Variants in GRID2 observed in about 807,000 individuals in gnomAD.
GRID2 encodes the protein glutamate receptor ionotropic, delta-2.
In GRID2, 33 loss-of-function variants were observed where a neutral mutation model predicts 114.8. The observed-to-expected ratio is 0.29, with a 90% CI of 0.22 to 0.38. The LOEUF (loss-of-function observed/expected upper bound fraction) is 0.38, where lower values mean the gene tolerates loss of function less well. GRID2 is among the 10% of genes least tolerant of loss of function. The probability of loss-of-function intolerance (pLI) is 1.00; values close to 1 mark genes in which losing one functional copy is unlikely to be tolerated. For missense variants in GRID2, 1,184 were observed against 1,257.7 expected, an observed-to-expected ratio of 0.94 and a Z score of 0.89; for synonymous variants, 505 against 449.9, an observed-to-expected ratio of 1.12 and a Z score of -1.55.
chr4:92,697,323 A>G (rs1433249390), intron 2 of GRID2, among the ~76,000 whole-genome samples: 2 of 152,160 alleles, frequency 1.3e-5, no homozygotes. Context: ...ATACCTTCAT[A>G]CAAGCAAAAG....
intron 1 of GRID2, among the ~76,000 whole-genome samples, chr4:92,543,433 C>A (rs13145212): frequency 0.22 from 33,262 of 152,098 alleles, 3,936 homozygotes; most frequent in South Asian, 0.3. Flanking sequence ...AATTCATATA[C>A]TTTAAGAATT....
chr4:93,685,652 A>C (rs1457367960), intron 14 of GRID2, among the ~76,000 whole-genome samples: 1 of 151,996 alleles, frequency 6.6e-6, no homozygotes, highest in Non-Finnish European at 1.5e-5. Context: ...GGATAATCTC[A>C]TCTCCCTTCA....
intron 13 of GRID2, among the ~76,000 whole-genome samples, chr4:93,516,743 A>G (rs958810636): frequency 3.3e-5 from 5 of 152,048 alleles, no homozygotes; most frequent in African/African-American, 1.2e-4. Context: ...CTTACTGGGT[A>G]CTCATAGCAT....
chr4:92,914,489 G>T (rs1233836987), intron 2 of GRID2, among the ~76,000 whole-genome samples: 2 of 152,060 alleles, frequency 1.3e-5, no homozygotes, highest in Non-Finnish European at 2.9e-5. Context: ...TGTCATGGGG[G>T]ACTGTTGTAC....
chr4:92,793,931 G>A (rs1309290459), intron 2 of GRID2, among the ~76,000 whole-genome samples: 1 of 151,798 alleles, frequency 6.6e-6, no homozygotes, highest in Non-Finnish European at 1.5e-5. Context: ...GAATGGAGCA[G>A]GTACATTGAC....
chr4:93,135,278 C>G lies in GRID2; in HGVS notation c.735+24325C>G, dbSNP rs114714697. On this transcript the variant is annotated intron_variant, in intron 4 of 15. Coordinates refer to ENST00000282020, the MANE Select transcript of GRID2 (RefSeq NM_001510.4). ...GAGGTGTGTGGTGCTTGTTTGCAAT[C>G]AGCTCTGACATTTTCAGAGTCTTCT... is the stretch of plus-strand genomic sequence containing the variant. Among the ~76,000 whole-genome samples the G allele has an allele frequency of 4.8e-3, 723 of 152,208 alleles. 10 individuals carry two copies. The highest frequency in any genetic ancestry group is 0.017 in the African/African-American group (689 of 41,538).
At chr4:93,735,682 G>A (rs548043830) in intron 14 of GRID2, among the ~76,000 whole-genome samples, 73 of 152,120 alleles carry the variant, frequency 4.8e-4, no homozygotes, top group South Asian at 3.9e-3. Context: ...TTAGGGCAAT[G>A]TTGACATTGG....
chr4:92,772,418 G>A (rs1432321372), intron 2 of GRID2, among the ~76,000 whole-genome samples: 2 of 151,818 alleles, frequency 1.3e-5, no homozygotes, highest in African/African-American at 4.8e-5. Flanking sequence ...GCAGTTTATG[G>A]CGTTTGAGTC....
At chr4:93,710,328 T>A (rs1262623400) in intron 14 of GRID2, among the ~76,000 whole-genome samples, 1 of 152,236 alleles carries the variant, frequency 6.6e-6, no homozygotes, top group East Asian at 1.9e-4. Flanking sequence ...CCTTGCAGCC[T>A]GTTAGAGGTA....
intron 14 of GRID2, among the ~76,000 whole-genome samples, chr4:93,661,554 A>G (rs1394366145): frequency 6.6e-6 from 1 of 152,196 alleles, no homozygotes; most frequent in Non-Finnish European, 1.5e-5. Context: ...ATGTTTGTGC[A>G]TCCACAATAT....
chr4:92,945,577 C>G (rs1263277833), intron 2 of GRID2, among the ~76,000 whole-genome samples: 1 of 152,152 alleles, frequency 6.6e-6, no homozygotes, highest in Non-Finnish European at 1.5e-5. Context: ...CCTTCGTTTT[C>G]TCTATTCCAG....
At chr4:93,257,991 TATATATATACACAC>T (rs759908361) in intron 8 of GRID2, among the ~76,000 whole-genome samples, 186 of 22,228 alleles carry the variant, frequency 8.4e-3, no homozygotes, top group African/African-American at 0.026. Context: ...TATATATATA[TATATATATACACAC>T]ACACACACAC....
Position 92,706,900 on chromosome 4 carries a change from A to G in GRID2, c.244+116614A>G, listed in dbSNP as rs1159552806. ...CCAACAGTGTTGTACCATTTTAAAGAACTATATTACTAATTCCAGTCATCA... is the reference window on the plus strand; with the variant it reads ...CCAACAGTGTTGTACCATTTTAAAGGACTATATTACTAATTCCAGTCATCA... On this transcript the variant is annotated intron_variant, in intron 2 of 15. Coordinates refer to ENST00000282020, the MANE Select transcript of GRID2 (RefSeq NM_001510.4). Among the ~76,000 whole-genome samples the G allele has an allele frequency of 2.0e-5, 3 of 152,190 alleles. No individual in the cohort carries two copies. The East Asian group carries it at 5.8e-4, about 29-fold the overall frequency.
chr4:93,047,258 G>T (rs1189662375), intron 2 of GRID2, among the ~76,000 whole-genome samples: 1 of 152,032 alleles, frequency 6.6e-6, no homozygotes, highest in East Asian at 1.9e-4. Flanking sequence ...TGGTAGCCTG[G>T]TTGGAATTCT....
intron 13 of GRID2, among the ~76,000 whole-genome samples, chr4:93,573,625 C>G (rs770994332): frequency 6.6e-6 from 1 of 152,140 alleles, no homozygotes; most frequent in East Asian, 1.9e-4. Context: ...ATTGCTGCTG[C>G]TGGACTTTTT....
intron 5 of GRID2, among the ~76,000 whole-genome samples, chr4:93,208,692 G>T (rs773376334): frequency 2.0e-5 from 3 of 151,882 alleles, no homozygotes; most frequent in Non-Finnish European, 4.4e-5. Context: ...GAGTAAAGAC[G>T]CTGAAAACAC....
intron 8 of GRID2, among the ~76,000 whole-genome samples, chr4:93,363,190 C>A (rs1024489874): frequency 6.6e-6 from 1 of 152,150 alleles, no homozygotes; most frequent in Non-Finnish European, 1.5e-5. Context: ...GCACTCCAGC[C>A]TGGACGACAG....
chr4:93,712,610 C>G (rs1728580266), intron 14 of GRID2, among the ~76,000 whole-genome samples: 1 of 152,162 alleles, frequency 6.6e-6, no homozygotes, highest in South Asian at 2.1e-4. Flanking sequence ...CATAAACCAT[C>G]TCTCACTTAA....
At chr4:92,931,902 A>G (rs557319391) in intron 2 of GRID2, among the ~76,000 whole-genome samples, 104 of 151,346 alleles carry the variant, frequency 6.9e-4, no homozygotes, top group African/African-American at 2.4e-3. Flanking sequence ...AAATTCTCAA[A>G]TTACTAGATA....
Sources: allele counts gnomAD v4.1 joint callset (sites outside exome capture counted in the v4.1 genomes callset), GRCh38; gene constraint gnomAD v4.1.1; transcripts MANE v1.5; gene names NCBI Gene and HGNC (gene_info 2026-07-23, HGNC 2026-07-21).